The following DNAL1 variants were observed in gnomAD, a reference collection of about 807,000 sequenced individuals.
DNAL1 encodes the protein dynein axonemal light chain 1, also known as chromosome 14 open reading frame 168.
DNAL1 carries 17 observed loss-of-function variants against 29.4 expected under a neutral mutation model. The ratio of observed to expected loss-of-function variants is 0.58; its 90% CI spans 0.40 to 0.87. The LOEUF (loss-of-function observed/expected upper bound fraction) is 0.87, where lower values mean the gene tolerates loss of function less well. DNAL1 is among the 40% of genes least tolerant of loss of function. DNAL1 has a pLI of 0.00. For synonymous variants in DNAL1, 78 were observed against 76.3 expected (o/e 1.02, Z -0.12); for missense variants, 188 against 214.1 (o/e 0.88, Z 0.76).
chr14:73,666,188 C>T (rs954652926), intron 4 of DNAL1, among the ~76,000 whole-genome samples: 10 of 152,222 alleles, frequency 6.6e-5, no homozygotes, highest in Middle Eastern at 3.4e-3. Flanking sequence ...ATAGTCTTAC[C>T]TATTATGCCA....
intron 5 of DNAL1, among the ~76,000 whole-genome samples, chr14:73,674,236 C>A (rs956055741): frequency 6.6e-5 from 10 of 152,186 alleles, no homozygotes; most frequent in African/African-American, 2.4e-4. Context: ...TGACCATGCA[C>A]AATTCATTCC....
At chr14:73,679,962 C>T (rs749594073) in intron 5 of DNAL1, among the ~76,000 whole-genome samples, 3 of 151,708 alleles carry the variant, frequency 2.0e-5, no homozygotes, top group Non-Finnish European at 4.4e-5. Context: ...TGCTAAACTC[C>T]TGGATATGCA....
chr14:73,671,959 G>A (rs1471822649), intron 5 of DNAL1, among the ~76,000 whole-genome samples: 7 of 152,106 alleles, frequency 4.6e-5, no homozygotes, highest in Admixed American at 6.6e-5. Context: ...ATCTGTTCCC[G>A]AAAAGACAAT....
chr14:73,683,406 T>G (rs1891938335), intron 5 of DNAL1, among the ~76,000 whole-genome samples: 1 of 152,160 alleles, frequency 6.6e-6, no homozygotes, highest in Admixed American at 6.5e-5. Context: ...GGGATATCAC[T>G]AGGCAATAGG....
rs542311184 is a variant in DNAL1, at chr14:73,679,011, T to A, written c.264+7414T>A. Among the ~76,000 whole-genome samples the A allele has an allele frequency of 3.0e-4, 45 of 152,290 alleles. 1 individual carries two copies. The South Asian group carries it at 5.8e-3, about 20-fold the overall frequency. On this transcript the variant is annotated intron_variant, in intron 5 of 7. Transcript: ENST00000553645. ...TCTATTTTTATTTATTTATTTATTTTTTTGAGACGGAGTCTCGCTGCATCC... is the reference window on the plus strand; with the variant it reads ...TCTATTTTTATTTATTTATTTATTTATTTGAGACGGAGTCTCGCTGCATCC...
intron 7 of DNAL1, among the ~76,000 whole-genome samples, chr14:73,691,513 C>A (rs1315470469): frequency 6.6e-6 from 1 of 151,990 alleles, no homozygotes; most frequent in South Asian, 2.1e-4. Context: ...GATGCCACTG[C>A]ACTCCAGCCT....
intron 5 of DNAL1, among the ~76,000 whole-genome samples, chr14:73,679,699 G>T (rs1891830966): frequency 6.6e-6 from 1 of 152,052 alleles, no homozygotes; most frequent in African/African-American, 2.4e-5. Context: ...TTACCAAATG[G>T]TATTTAAAAA....
chr14:73,681,052 T>C (rs1306502721), intron 5 of DNAL1, among the ~76,000 whole-genome samples: 1 of 152,152 alleles, frequency 6.6e-6, no homozygotes, highest in Non-Finnish European at 1.5e-5. Context: ...GATGAGTGAA[T>C]GTGAAGGCCT....
chr14:73,662,543 A>G (rs1315497704), intron 4 of DNAL1, among the ~76,000 whole-genome samples: 7 of 152,154 alleles, frequency 4.6e-5, no homozygotes, highest in African/African-American at 1.2e-4. Context: ...AATCAGTTTC[A>G]TCTGGTGAAA....
chr14:73,678,057 CA>C, intron 5 of DNAL1, among the ~76,000 whole-genome samples: 1 of 151,556 alleles, frequency 6.6e-6, no homozygotes, highest in African/African-American at 2.4e-5. Flanking sequence ...CCACCACACC[CA>C]GGTAATATTT....
At chr14:73,651,547 C>G (rs1359934698) in intron 1 of DNAL1, among the ~76,000 whole-genome samples, 2 of 152,000 alleles carry the variant, frequency 1.3e-5, no homozygotes, top group Non-Finnish European at 2.9e-5. Context: ...TAGTATTGGT[C>G]TATTCAAATT....
chr14:73,662,304 G>A (rs1891374348), intron 4 of DNAL1, among the ~76,000 whole-genome samples: 1 of 152,100 alleles, frequency 6.6e-6, no homozygotes, highest in South Asian at 2.1e-4. Context: ...ATTTTTAATT[G>A]TGTATTTCTT....
At chr14:73,673,920 G>A (rs775764571) in intron 5 of DNAL1, among the ~76,000 whole-genome samples, 3 of 150,176 alleles carry the variant, frequency 2.0e-5, no homozygotes, top group Non-Finnish European at 4.4e-5. Context: ...AAGCTGCATT[G>A]GGATGCAGAT....
At chr14:73,687,198 A>G (rs935874649) in intron 5 of DNAL1, 61 bp from the exon 6 acceptor site, 173 of 1,592,960 alleles carry the variant, frequency 1.1e-4, no homozygotes, top group Admixed American at 1.9e-4. Context: ...TATCTTTATA[A>G]AGAAGAAGAC....
intron 5 of DNAL1, 113 bp from the exon 6 acceptor site, chr14:73,687,146 T>C (rs1437260009): frequency 6.1e-6 from 8 of 1,315,012 alleles, no homozygotes; most frequent in Non-Finnish European, 8.2e-6. Flanking sequence ...CTTCTACAAG[T>C]AGACAGGCAG....
chr14:73,698,851 A>C lies in DNAL1; in HGVS notation c.*2909A>C, dbSNP rs180988806. 1 of 152,134 alleles carries C rather than the reference A, an allele frequency of 6.6e-6. No individual in the cohort carries two copies. Among genetic ancestry groups the C allele is most frequent in the Non-Finnish European group, 1.5e-5 (1 of 68,014 alleles). 9.4% of individuals were successfully genotyped at this position (152,134 alleles called of 1,614,324 possible). ...GTCTACCAAGGAGTTTAACTTTTCT[A>C]TGTTCCCTAACTCTAAGATTAGGGC... On this transcript the variant is annotated 3_prime_UTR_variant, in exon 8 of 8. Transcript: ENST00000553645.
rs181549929 is a variant in DNAL1, at chr14:73,670,535, A to G, written c.209-1007A>G. On this transcript the variant is annotated intron_variant, in intron 4 of 7. Coordinates refer to ENST00000553645, the MANE Select transcript of DNAL1 (RefSeq NM_031427.4). ...AATTTATTTTTAATTTGGAAAAATA[A>G]TATATGCACCTGGTTTTATTCAAAT... 3.4e-3 allele frequency among the ~76,000 whole-genome samples: 523 copies of G among 152,216 alleles called. 5 individuals carry two copies. Among genetic ancestry groups the G allele is most frequent in the Middle Eastern group, 0.017 (5 of 294 alleles).
chr14:73,664,865 A>T (rs949857604), intron 4 of DNAL1, among the ~76,000 whole-genome samples: 6 of 152,116 alleles, frequency 3.9e-5, no homozygotes, highest in South Asian at 2.1e-4. Flanking sequence ...TGTCTAAAAA[A>T]AAAAATAAAA....
chr14:73,676,550 T>G (rs1891736919), intron 5 of DNAL1, among the ~76,000 whole-genome samples: 1 of 152,212 alleles, frequency 6.6e-6, no homozygotes. Context: ...TCCTTCAATG[T>G]CAATACATGC....
Sources: allele counts gnomAD v4.1 joint callset (sites outside exome capture counted in the v4.1 genomes callset), GRCh38; gene constraint gnomAD v4.1.1; transcripts MANE v1.5; gene names NCBI Gene and HGNC (gene_info 2026-07-23, HGNC 2026-07-21).